RAPGEF4: variants seen among roughly 807,000 people sequenced by gnomAD.
The protein encoded by RAPGEF4 is RAP guanine-nucleotide-exchange factor (GEF) 4.
Under a neutral mutation model 147.9 loss-of-function variants are expected in RAPGEF4, and 66 were observed. The observed-to-expected ratio is 0.45, with a 90% CI of 0.37 to 0.55. The LOEUF (loss-of-function observed/expected upper bound fraction) is 0.55. RAPGEF4 is among the 20% of genes least tolerant of loss of function. The pLI, the probability that RAPGEF4 is intolerant of heterozygous loss-of-function variation, is 0.00. For missense variants in RAPGEF4, 1,071 were observed against 1,257.3 expected (o/e 0.85, Z 2.24); for synonymous variants, 419 against 442.7 (o/e 0.95, Z 0.67).
At chr2:172,953,677 G>C (rs900743072) in intron 6 of RAPGEF4, among the ~76,000 whole-genome samples, 1 of 152,092 alleles carries the variant, frequency 6.6e-6, no homozygotes, top group Non-Finnish European at 1.5e-5. Context: ...AGCTATTAAA[G>C]ATTAGTCATG....
chr2:172,960,681 C>G, intron 6 of RAPGEF4, 79 bp from the exon 7 acceptor site: 1 of 967,398 alleles, frequency 1.0e-6, no homozygotes, highest in Admixed American at 2.9e-5. Context: ...ATGGATGTTT[C>G]TTATTATCCC....
intron 4 of RAPGEF4, among the ~76,000 whole-genome samples, chr2:172,871,336 C>T (rs541256610): frequency 3.9e-5 from 6 of 152,268 alleles, no homozygotes; most frequent in African/African-American, 1.4e-4. Flanking sequence ...TGGTATCGGC[C>T]TGCTTTCTGC....
Position 172,990,933 on chromosome 2 carries a change from T to G in RAPGEF4, c.1490+8T>G, listed in dbSNP as rs768907512. On this transcript the variant is annotated splice_region_variant and intron_variant, in intron 15 of 30. Transcript: ENST00000397081. ...CTCACAGCCTCAGCAAAAGTATGTT[T>G]GCATCCAACACTGTAATTGCCAGAC... The G allele has an allele frequency of 6.3e-7, 1 of 1,579,818 alleles. No individual in the cohort carries two copies. Among genetic ancestry groups the G allele is most frequent in the Non-Finnish European group, 8.7e-7 (1 of 1,149,466 alleles).
intron 3 of RAPGEF4, among the ~76,000 whole-genome samples, chr2:172,812,586 G>A (rs1375708197): frequency 1.3e-5 from 2 of 152,162 alleles, no homozygotes; most frequent in South Asian, 2.1e-4. Flanking sequence ...TGATAAAGAA[G>A]ACTGATTAAT....
chr2:173,044,823 G>A (rs1685251374), intron 29 of RAPGEF4, among the ~76,000 whole-genome samples: 2 of 152,148 alleles, frequency 1.3e-5, no homozygotes, highest in Admixed American at 6.5e-5. Context: ...GTCTTAATGA[G>A]CTATTTGCTC....
intron 4 of RAPGEF4, among the ~76,000 whole-genome samples, chr2:172,868,731 G>A (rs1694899382): frequency 6.6e-6 from 1 of 152,236 alleles, no homozygotes; most frequent in Non-Finnish European, 1.5e-5. Flanking sequence ...GGGAACGTGT[G>A]TGTTAGTCCA....
intron 15 of RAPGEF4, among the ~76,000 whole-genome samples, chr2:172,992,197 T>TA (rs1434049356): frequency 6.6e-6 from 1 of 152,228 alleles, no homozygotes; most frequent in African/African-American, 2.4e-5. Flanking sequence ...AAGGACTATG[T>TA]AAAAAAACTA....
chr2:172,856,838 C>T (rs1464926934), intron 4 of RAPGEF4, among the ~76,000 whole-genome samples: 3 of 152,158 alleles, frequency 2.0e-5, no homozygotes, highest in African/African-American at 7.2e-5. Context: ...TCTGGTTTCT[C>T]AACCAGGAAG....
intron 14 of RAPGEF4, among the ~76,000 whole-genome samples, 193 bp from the exon 15 acceptor site, chr2:172,990,617 C>T (rs1235928981): frequency 6.6e-6 from 1 of 152,214 alleles, no homozygotes; most frequent in Non-Finnish European, 1.5e-5. Context: ...TAAAAGCAGT[C>T]TTAAAAACAC....
At chr2:172,771,816 T>C (rs1247404365) in intron 1 of RAPGEF4, among the ~76,000 whole-genome samples, 4 of 152,156 alleles carry the variant, frequency 2.6e-5, no homozygotes, top group Non-Finnish European at 5.9e-5. Context: ...TAAACAATGA[T>C]ATGAAGTGGT....
intron 4 of RAPGEF4, among the ~76,000 whole-genome samples, chr2:172,839,446 A>G (rs889775990): frequency 6.6e-6 from 1 of 152,078 alleles, no homozygotes; most frequent in African/African-American, 2.4e-5. Flanking sequence ...ATATGGGGTA[A>G]CTTCCTGACA....
chr2:172,888,570 C>A (rs1365668636), intron 4 of RAPGEF4, among the ~76,000 whole-genome samples: 1 of 152,118 alleles, frequency 6.6e-6, no homozygotes, highest in African/African-American at 2.4e-5. Flanking sequence ...ATTTGTGGAC[C>A]AATAAGTTGA....
At chr2:172,938,490 TA>T (rs1230069253) in intron 6 of RAPGEF4, among the ~76,000 whole-genome samples, 1 of 152,178 alleles carries the variant, frequency 6.6e-6, no homozygotes, top group Non-Finnish European at 1.5e-5. Context: ...TGTTATCAAG[TA>T]GAATAGAGCA....
At chr2:172,962,716 T>C (rs1295489856) in intron 8 of RAPGEF4, among the ~76,000 whole-genome samples, 2 of 152,136 alleles carry the variant, frequency 1.3e-5, no homozygotes, top group African/African-American at 4.8e-5. Flanking sequence ...CTTGAGAAAG[T>C]GCCTTAGTGT....
intron 1 of RAPGEF4, among the ~76,000 whole-genome samples, chr2:172,760,515 G>A (rs1274625773): frequency 1.3e-5 from 2 of 152,086 alleles, no homozygotes; most frequent in African/African-American, 4.8e-5. Flanking sequence ...TCAGGAGATC[G>A]AGACCATCCT....
intron 29 of RAPGEF4, among the ~76,000 whole-genome samples, chr2:173,041,650 T>C (rs1353023110): frequency 6.6e-6 from 1 of 152,078 alleles, no homozygotes; most frequent in Non-Finnish European, 1.5e-5. Context: ...CAATGGAAAA[T>C]AAAACCACAT....
At chr2:172,895,277 T>C (rs1395703821) in intron 4 of RAPGEF4, among the ~76,000 whole-genome samples, 1 of 152,236 alleles carries the variant, frequency 6.6e-6, no homozygotes, top group African/African-American at 2.4e-5. Context: ...GGCATCCTAC[T>C]TGTCCATAGG....
chr2:173,020,707 G>A lies in RAPGEF4; in HGVS notation c.2245G>A (p.Asp749Asn), dbSNP rs773813929. The change falls in exon 23 of 31, where the codon GAT (aspartate) becomes AAT (asparagine). Residue 749 changes from aspartate (D) to asparagine (N), a missense_variant. Asp to Asn is a conservative substitution (Grantham distance 23, BLOSUM62 1). Coordinates refer to ENST00000397081, the MANE Select transcript of RAPGEF4 (RefSeq NM_007023.4). ...RLFACPREQF[D>N]SLTPLPEQEG... is the part of the protein sequence containing the mutation. ...GTTTGCTTGCCCGCGAGAGCAATTC[G>A]ATTCACTGGTAGGTGTGGATGGCCT... 42 of 1,612,726 alleles carry A rather than the reference G, an allele frequency of 2.6e-5. No individual in the cohort carries two copies. The highest frequency in any genetic ancestry group is 2.2e-4 in the Admixed American group (13 of 59,878).
intron 3 of RAPGEF4, among the ~76,000 whole-genome samples, chr2:172,806,668 A>G (rs1229684559): frequency 2.6e-5 from 4 of 152,172 alleles, no homozygotes; most frequent in Admixed American, 2.6e-4. Context: ...AAGTTTAACA[A>G]TGTTGTTCAG....
Sources: allele counts gnomAD v4.1 joint callset (sites outside exome capture counted in the v4.1 genomes callset), GRCh38; gene constraint gnomAD v4.1.1; transcripts MANE v1.5; gene names NCBI Gene and HGNC (gene_info 2026-07-23, HGNC 2026-07-21).